Variants in SYNJ2 observed in about 807,000 individuals in gnomAD.
The protein encoded by SYNJ2 is synaptojanin 2.
In SYNJ2, 116 loss-of-function variants were observed where a neutral mutation model predicts 141.3. That is an observed-to-expected ratio of 0.82 (90% CI 0.71 to 0.96). The LOEUF (loss-of-function observed/expected upper bound fraction) is 0.96, where lower values mean the gene tolerates loss of function less well. SYNJ2 is among the 40% of genes least tolerant of loss of function. The pLI, the probability that SYNJ2 is intolerant of heterozygous loss-of-function variation, is 0.00. For synonymous variants in SYNJ2, 745 were observed against 777.7 expected (o/e 0.96, Z 0.70); for missense variants, 1,873 against 1,934.8 (o/e 0.97, Z 0.60).
rs34971762 is a variant in SYNJ2 at position 157,993,710 on chromosome 6, C to CTTTTTTT, written c.127+11641_127+11647dup. The stretch of plus-strand genomic sequence containing the variant: ...AAACATAACTTTCATTCTTGCATAG[C>CTTTTTTT]TTTTTTTTTTTTTTTTTTTTTTTTT... On this transcript the variant is annotated intron_variant, in intron 1 of 26. Transcript: ENST00000355585. Among the ~76,000 whole-genome samples, 9 of 40,554 alleles carry CTTTTTTT rather than the reference C, an allele frequency of 2.2e-4. 1 individual carries two copies. Among genetic ancestry groups the CTTTTTTT allele is most frequent in the African/African-American group, 9.8e-4 (9 of 9,152 alleles). 26.6% of individuals were successfully genotyped at this position (40,554 alleles called of 152,430 possible).
chr6:157,994,900 C>T (rs903657623), intron 1 of SYNJ2, among the ~76,000 whole-genome samples: 7 of 152,136 alleles, frequency 4.6e-5, no homozygotes, highest in Non-Finnish European at 8.8e-5. Context: ...GGGTTCCTGG[C>T]CAGGAGCGCC....
At chr6:157,986,996 T>C (rs1453585568) in intron 1 of SYNJ2, among the ~76,000 whole-genome samples, 1 of 152,094 alleles carries the variant, frequency 6.6e-6, no homozygotes, top group Non-Finnish European at 1.5e-5. Context: ...CAAATTATTA[T>C]CGTTTTTTGA....
chr6:158,068,814 G>A, intron 13 of SYNJ2, 86 bp downstream of exon 13: 5 of 1,458,972 alleles, frequency 3.4e-6, no homozygotes, highest in Non-Finnish European at 4.8e-6. Context: ...CTCTCCGGGA[G>A]CCAGCCTGCT....
intron 1 of SYNJ2, among the ~76,000 whole-genome samples, chr6:158,011,222 A>G (rs1778258561): frequency 6.6e-6 from 1 of 152,184 alleles, no homozygotes. Context: ...AGGAACGCCA[A>G]GGACAGAACA....
intron 1 of SYNJ2, among the ~76,000 whole-genome samples, chr6:157,992,595 A>C (rs1777490908): frequency 6.6e-6 from 1 of 151,794 alleles, no homozygotes; most frequent in Non-Finnish European, 1.5e-5. Context: ...ACAGGGTTTC[A>C]CCATGTTGTC....
chr6:158,055,131 G>A, intron 6 of SYNJ2, 103 bp downstream of exon 6: 2 of 1,219,874 alleles, frequency 1.6e-6, no homozygotes, highest in Non-Finnish European at 1.2e-6. Flanking sequence ...GGAGGACCCT[G>A]AACCCTGAAT....
intron 1 of SYNJ2, among the ~76,000 whole-genome samples, chr6:157,986,242 T>A (rs918253283): frequency 2.0e-5 from 3 of 152,246 alleles, no homozygotes; most frequent in African/African-American, 7.2e-5. Flanking sequence ...CAGTGGTCTG[T>A]CTGCCTCCAG....
chr6:158,040,268 TGTG>T lies in SYNJ2; in HGVS notation c.712-3047_712-3045del, dbSNP rs1281727273. Among the ~76,000 whole-genome samples the T allele has an allele frequency of 1.3e-5, 2 of 148,218 alleles. No homozygotes were observed. Among genetic ancestry groups the T allele is most frequent in the Non-Finnish European group, 2.9e-5 (2 of 68,018 alleles). On this transcript the variant is annotated intron_variant, in intron 4 of 26. Coordinates refer to ENST00000355585, the MANE Select transcript of SYNJ2 (RefSeq NM_003898.4). This position sits in a 1 kb window ranked among gnomAD's most constrained non-coding sequence, Gnocchi z 4.2. The stretch of plus-strand genomic sequence containing the variant: ...TGTGCATTGTGCATTTGTGTATACA[TGTG>T]TGTGGTGTGTGCCTTGTGTTTGTTT...
Position 158,054,973 on chromosome 6 carries a change from T to G in SYNJ2, c.802T>G (p.Ser268Ala). The G allele has an allele frequency of 1.2e-6, 2 of 1,613,992 alleles. No homozygotes were observed. Among genetic ancestry groups the G allele is most frequent in the African/African-American group, 2.7e-5 (2 of 75,026 alleles). The change falls in exon 6 of 27, where the codon TCC becomes GCC. Residue 268 changes from serine to alanine, a missense_variant. By Grantham distance (99) the Ser-to-Ala change is moderately conservative (BLOSUM62 1). Coordinates refer to ENST00000355585, the MANE Select transcript of SYNJ2 (RefSeq NM_003898.4). ...FWEQPGLQVG[S>A]HHLRLHRGLE... ...TTACTTCTCTTTGCTTTAGGTTGGC[T>G]CCCATCATCTGAGACTCCACAGAGG...
chr6:158,053,410 C>T (rs943366321), intron 5 of SYNJ2, among the ~76,000 whole-genome samples: 1 of 152,190 alleles, frequency 6.6e-6, no homozygotes, highest in African/African-American at 2.4e-5. Context: ...CAATTATTTA[C>T]TATGACAGTT....
chr6:158,010,279 A>G (rs1778216346), intron 1 of SYNJ2, among the ~76,000 whole-genome samples: 1 of 152,216 alleles, frequency 6.6e-6, no homozygotes, highest in South Asian at 2.1e-4. Context: ...CCCATTTTGG[A>G]AAGCAAAAAG....
At chr6:158,048,846 A>G (rs991267535) in intron 5 of SYNJ2, among the ~76,000 whole-genome samples, 1 of 152,166 alleles carries the variant, frequency 6.6e-6, no homozygotes, top group African/African-American at 2.4e-5. Context: ...AGCTGGGTGC[A>G]CCGTCGGCTT....
intron 1 of SYNJ2, among the ~76,000 whole-genome samples, chr6:157,997,755 G>C (rs1777690713): frequency 9.6e-6 from 1 of 104,094 alleles, no homozygotes; most frequent in South Asian, 3.2e-4. Context: ...GAATGACGAA[G>C]CATTGGCAAA....
intron 22 of SYNJ2, 75 bp from the exon 23 acceptor site, chr6:158,086,780 C>T (rs1783062823): frequency 2.6e-6 from 4 of 1,546,784 alleles, no homozygotes; most frequent in Non-Finnish European, 3.5e-6. Context: ...AGTCGGCCTC[C>T]TGTGCTCAGA....
At chr6:157,991,295 A>G (rs754480934) in intron 1 of SYNJ2, among the ~76,000 whole-genome samples, 17 of 152,206 alleles carry the variant, frequency 1.1e-4, no homozygotes, top group Non-Finnish European at 2.1e-4. Flanking sequence ...CCGGGACAGC[A>G]GTGCTTCCAA....
At chr6:158,026,470 G>A (rs547039724) in intron 2 of SYNJ2, among the ~76,000 whole-genome samples, 10 of 152,218 alleles carry the variant, frequency 6.6e-5, no homozygotes, top group East Asian at 1.9e-4. Context: ...CCTCCACTGC[G>A]CTCACCAGAT....
At chr6:157,985,747 AGTGCGGGCTGT>A (rs1318253097) in intron 1 of SYNJ2, among the ~76,000 whole-genome samples, 1 of 152,134 alleles carries the variant, frequency 6.6e-6, no homozygotes, top group Non-Finnish European at 1.5e-5. Flanking sequence ...CTGTGTTTAC[AGTGCGGGCTGT>A]GTGTGAGTGA....
upstream of SYNJ2, among the ~76,000 whole-genome samples, chr6:157,981,714 C>T (rs75203695): frequency 0.16 from 23,671 of 151,784 alleles, 1,974 homozygotes; most frequent in Non-Finnish European, 0.19. This position sits in a 1 kb window ranked among gnomAD's most constrained non-coding sequence, Gnocchi z 6.4. Flanking sequence ...CCTCGCGCAG[C>T]TGCCTGGCCG....
intron 18 of SYNJ2, chr6:158,079,285 C>A (rs1441177630): frequency 6.6e-6 from 1 of 152,108 alleles, no homozygotes; most frequent in African/African-American, 2.4e-5. Flanking sequence ...AGAGTTTGAT[C>A]TTCCCAAGGC....
Sources: gnomAD v4.1 joint callset for allele counts (sites outside exome capture counted in the v4.1 genomes callset) on GRCh38, gnomAD v4.1.1 for gene constraint, Gnocchi (gnomAD v3.1) non-coding constraint, MANE v1.5 for transcripts, NCBI Gene and HGNC (gene_info 2026-07-23, HGNC 2026-07-21) for gene names.